Variants in BTBD1 observed in about 807,000 individuals in gnomAD.
The protein encoded by BTBD1 is BTB/POZ domain-containing protein 1.
BTBD1 carries 34 observed loss-of-function variants against 48.0 expected under a neutral mutation model. The ratio of observed to expected loss-of-function variants is 0.71; its 90% confidence interval spans 0.54 to 0.94. BTBD1 has a LOEUF of 0.94. BTBD1 is among the 40% of genes least tolerant of loss of function. The pLI is 0.00. For synonymous variants in BTBD1, 261 were observed against 242.1 expected (o/e 1.08, Z -0.72); for missense variants, 543 against 625.6 (o/e 0.87, Z 1.41).
intron 4 of BTBD1, among the ~76,000 whole-genome samples, chr15:83,036,427 G>T (rs536831718): frequency 6.6e-6 from 1 of 152,316 alleles, no homozygotes; most frequent in South Asian, 2.1e-4. Context: ...GTATTGGAGA[G>T]GATGTGGGCA....
chr15:83,021,766 T>C (rs2032303495), intron 5 of BTBD1, among the ~76,000 whole-genome samples: 1 of 150,822 alleles, frequency 6.6e-6, no homozygotes, highest in South Asian at 2.1e-4. Flanking sequence ...ATAATAATAA[T>C]AATACATATG....
At chr15:83,020,577 G>C (rs1346124004) in intron 6 of BTBD1, 98 bp downstream of exon 6, 27 of 806,896 alleles carry the variant, frequency 3.3e-5, no homozygotes, top group Non-Finnish European at 4.8e-5. Context: ...TGATTGCTTT[G>C]ACAATTATAT....
chr15:83,020,879 A>T (rs866071731), intron 5 of BTBD1, 117 bp from the exon 6 acceptor site: 58 of 564,346 alleles, frequency 1.0e-4, no homozygotes, highest in Middle Eastern at 8.5e-4. Flanking sequence ...AAAAAGGAAA[A>T]CAAATTAGAT....
intron 4 of BTBD1, 70 bp downstream of exon 4, chr15:83,041,657 AG>A (rs2032762035): frequency 7.0e-7 from 1 of 1,437,988 alleles, no homozygotes; most frequent in African/African-American, 1.4e-5. Context: ...TATAGGTGTG[AG>A]CCACCAGGCC....
intron 3 of BTBD1, 94 bp from the exon 4 acceptor site, chr15:83,042,019 C>A: frequency 1.9e-6 from 2 of 1,039,370 alleles, no homozygotes; most frequent in South Asian, 1.5e-5. Flanking sequence ...GTTTTCAGAT[C>A]TCAACAAAAA....
At chr15:83,053,395 GAA>G (rs2033028301) in intron 2 of BTBD1, among the ~76,000 whole-genome samples, 1 of 151,902 alleles carries the variant, frequency 6.6e-6, no homozygotes, top group African/African-American at 2.4e-5. Context: ...ATAAGATACT[GAA>G]AAGTTTTTTT....
At chr15:83,028,889 A>C (rs2032462038) in intron 5 of BTBD1, among the ~76,000 whole-genome samples, 2 of 152,158 alleles carry the variant, frequency 1.3e-5, no homozygotes, top group South Asian at 4.1e-4. Flanking sequence ...TTGGTCTTTT[A>C]AAGGAACCAG....
chr15:83,048,165 T>C (rs1317931060), intron 3 of BTBD1, among the ~76,000 whole-genome samples: 1 of 152,098 alleles, frequency 6.6e-6, no homozygotes, highest in African/African-American at 2.4e-5. Context: ...ATGTGGGGTA[T>C]GAGAGAAAGA....
chr15:83,055,418 C>G (rs938580962), intron 2 of BTBD1, among the ~76,000 whole-genome samples: 1 of 152,110 alleles, frequency 6.6e-6, no homozygotes, highest in African/African-American at 2.4e-5. Context: ...CCACCATGCT[C>G]GGCTAATTTT....
chr15:83,055,450 G>A (rs2033067341), intron 2 of BTBD1, among the ~76,000 whole-genome samples: 1 of 152,108 alleles, frequency 6.6e-6, no homozygotes, highest in Non-Finnish European at 1.5e-5. Flanking sequence ...TAGAGACTGG[G>A]TTTTGCCTTG....
At chr15:83,018,543 G>A (rs1050514492) in intron 7 of BTBD1, among the ~76,000 whole-genome samples, 164 bp downstream of exon 7, 5 of 152,196 alleles carry the variant, frequency 3.3e-5, no homozygotes, top group African/African-American at 7.2e-5. Context: ...ACAGAGCTGT[G>A]GGGAGAAGTA....
chr15:83,020,484 G>C (rs1253850538), intron 6 of BTBD1, 191 bp downstream of exon 6: 2 of 478,148 alleles, frequency 4.2e-6, no homozygotes, highest in East Asian at 6.7e-5. Flanking sequence ...TTTTGTGAAG[G>C]ACCCCAATTT....
chr15:83,057,757 T>C (rs576766754), intron 1 of BTBD1, among the ~76,000 whole-genome samples: 3 of 152,384 alleles, frequency 2.0e-5, no homozygotes, highest in East Asian at 3.9e-4. Context: ...TTGGTCTCTG[T>C]CATTCACGTT....
In BTBD1 at chr15:83,067,181, G is replaced by T. The variant is rs373826735; in HGVS notation, c.-30C>A. 4 of 1,378,096 alleles carry T rather than the reference G, an allele frequency of 2.9e-6. No individual in the cohort carries two copies. The highest frequency in any genetic ancestry group is 2.8e-6 in the Non-Finnish European group (3 of 1,067,488). The allele number at this position is 1,378,096 out of a possible 1,614,324, so 85.4% of individuals were successfully genotyped here. A position where few individuals can be genotyped will look rare whatever the true frequency, so the allele number is the denominator to read the frequency against. On this transcript the variant is annotated 5_prime_UTR_variant, in exon 1 of 8. Coordinates refer to ENST00000261721, the MANE Select transcript of BTBD1 (RefSeq NM_025238.4). The stretch of plus-strand genomic sequence containing the variant: ...CAGCTGCGCGGTTGCCCACGTTATG[G>T]ACAAAACTCCGCCGCCATCGCCCAG...
intron 4 of BTBD1, among the ~76,000 whole-genome samples, chr15:83,040,720 A>C (rs1374746784): frequency 1.3e-5 from 2 of 151,638 alleles, no homozygotes; most frequent in African/African-American, 4.8e-5. Flanking sequence ...AAAAAAAAAA[A>C]ACCATGAGAC....
In BTBD1 at chr15:83,020,720, C is replaced by T. The variant is rs759012257; in HGVS notation, c.1098G>A (p.Leu366=). The change falls in exon 6 of 8, where the codon TTG becomes TTA. Residue 366 remains leucine (L), a synonymous_variant. Transcript: ENST00000261721. ...CTGTAGGGCCATGAATAGATCCATA[C>T]AAGCCAAATCCAACTATAGAGATCC... ...NRRISIVGFG[L]YGSIHGPTDY... 6.2e-7 allele frequency: 1 copy of T among 1,609,098 alleles called. No individual in the cohort carries two copies. Among genetic ancestry groups the T allele is most frequent in the African/African-American group, 1.3e-5 (1 of 74,788 alleles).
chr15:83,050,215 G>A (rs986147187), intron 2 of BTBD1, 37 bp from the exon 3 acceptor site: 1 of 1,375,936 alleles, frequency 7.3e-7, no homozygotes, highest in Non-Finnish European at 1.0e-6. Context: ...AACTTTCATA[G>A]TTATTTTACC....
intron 4 of BTBD1, among the ~76,000 whole-genome samples, chr15:83,040,350 A>T (rs564720190): frequency 1.8e-3 from 267 of 152,278 alleles, no homozygotes; most frequent in Non-Finnish European, 2.9e-3. Flanking sequence ...CACAATATAC[A>T]CATGAAACAA....
At chr15:83,037,926 A>C (rs2032661234) in intron 4 of BTBD1, among the ~76,000 whole-genome samples, 1 of 152,102 alleles carries the variant, frequency 6.6e-6, no homozygotes, top group South Asian at 2.1e-4. Flanking sequence ...TCTACTAAAA[A>C]TACAAAAATT....
Sources: gnomAD v4.1 joint callset for allele counts (sites outside exome capture counted in the v4.1 genomes callset) on GRCh38, gnomAD v4.1.1 for gene constraint, MANE v1.5 for transcripts, NCBI Gene and HGNC (gene_info 2026-07-23, HGNC 2026-07-21) for gene names.